The following EIF2AK4 variants were observed in gnomAD, a reference collection of about 807,000 sequenced individuals.
The protein encoded by EIF2AK4 is eIF-2-alpha kinase GCN2.
In EIF2AK4, 139 loss-of-function variants were observed where a neutral mutation model predicts 211.1. The observed-to-expected ratio is 0.66, with a 90% CI of 0.57 to 0.76. The LOEUF is 0.76. EIF2AK4 is among the 30% of genes least tolerant of loss of function. The probability of loss-of-function intolerance (pLI) is 0.00; values close to 1 mark genes in which losing one functional copy is unlikely to be tolerated. For missense variants in EIF2AK4, 1,664 were observed against 2,043.8 expected (o/e 0.81, Z 3.58); for synonymous variants, 710 against 751.3 (o/e 0.94, Z 0.90).
rs142664254 is a variant in EIF2AK4, at chr15:39,949,652, T to C, written c.513+384T>C. Among the ~76,000 whole-genome samples, 951 of 152,310 alleles carry C rather than the reference T, an allele frequency of 6.2e-3. 27 individuals are homozygous for C. Among genetic ancestry groups the C allele is most frequent in the Admixed American group, 0.042 (638 of 15,304 alleles). ...CAAAAGCCAGAGAATAATTTTTTTATTCAAACATTTAGATGTATATATTAT... is the reference window on the plus strand; with the variant it reads ...CAAAAGCCAGAGAATAATTTTTTTACTCAAACATTTAGATGTATATATTAT... On this transcript the variant is annotated intron_variant, in intron 4 of 38. Transcript: ENST00000263791.
At chr15:40,004,085 T>G (rs1418828076) in intron 23 of EIF2AK4, among the ~76,000 whole-genome samples, 1 of 152,240 alleles carries the variant, frequency 6.6e-6, no homozygotes, top group Non-Finnish European at 1.5e-5. Context: ...ACAGGAAACA[T>G]TTTTAAATTA....
At position 39,949,161 on chromosome 15, in the gene EIF2AK4, G is replaced by A. The variant is rs777968114; in HGVS notation, c.406G>A (p.Glu136Lys). Reference sequence around the variant, plus strand: ...TTACCACGTGCAGTCATTTCTCAGCGAGCATAACAAGCCCCCTCCCAAGTC... The same window carrying A: ...TTACCACGTGCAGTCATTTCTCAGCAAGCATAACAAGCCCCCTCCCAAGTC... ...LAYHVQSFLSEHNKPPPKSFH... is the reference protein window; with the variant it reads ...LAYHVQSFLSKHNKPPPKSFH... Residue 136 changes from glutamate to lysine, a missense_variant, in exon 4 of 39, where the codon GAG becomes AAG. This residue lies in a region of EIF2AK4 where 641 missense variants were observed against 729.6 expected (regional missense o/e 0.88). Transcript: ENST00000263791. 12 of 1,613,990 alleles carry A rather than the reference G, an allele frequency of 7.4e-6. No homozygotes were observed. The highest frequency in any genetic ancestry group is 1.1e-5 in the South Asian group (1 of 91,080).
Position 39,992,477 on chromosome 15 carries a change from T to G in EIF2AK4, c.2686+248T>G, listed in dbSNP as rs971036109. ...CTCCCAGGGGTAGACAGTTTTATTT[T>G]GTCTAACCTCCATTGGTAATGTGAG... On this transcript the variant is annotated intron_variant, in intron 17 of 38. Transcript: ENST00000263791. 1.5e-5 allele frequency: 8 copies of G among 534,668 alleles called. No homozygotes were observed. In the African/African-American group the frequency reaches 1.5e-4, roughly 10 times the overall value. 33.1% of individuals were successfully genotyped at this position (534,668 alleles called of 1,614,324 possible). A position where few individuals can be genotyped will look rare whatever the true frequency, so the allele number is the denominator to read the frequency against.
At chr15:40,009,773 A>C in intron 26 of EIF2AK4, 43 bp downstream of exon 26, 1 of 1,258,056 alleles carries the variant, frequency 7.9e-7, no homozygotes, top group East Asian at 2.4e-5. Flanking sequence ...TAATACCTTG[A>C]TGTTGAAAGA....
intron 2 of EIF2AK4, among the ~76,000 whole-genome samples, chr15:39,942,907 C>T (rs1448932828): frequency 6.6e-6 from 1 of 152,220 alleles, no homozygotes; most frequent in African/African-American, 2.4e-5. Flanking sequence ...AGCGCTTGGC[C>T]TTGCCAGTGA....
chr15:39,956,198 G>T (rs992243291), intron 6 of EIF2AK4, among the ~76,000 whole-genome samples: 2 of 151,868 alleles, frequency 1.3e-5, no homozygotes, highest in African/African-American at 4.8e-5. Context: ...TAGAGTTGGG[G>T]TTTCACTGTG....
Position 40,019,154 on chromosome 15 carries a change from T to C in EIF2AK4, c.4127T>C (p.Ile1376Thr). ...GPVPTAIGVS[I>T]AIDKISAAVL... ...GTTCCCACTGCCATTGGGGTCAGCA[T>C]AGCTATAGACAAGATATCTGCTGCT... Residue 1376 changes from isoleucine (I) to threonine (T), a missense_variant, in exon 30 of 39, where the codon ATA becomes ACA. Physicochemically the swap from Ile to Thr is moderately conservative, Grantham distance 89. Coordinates refer to ENST00000263791, the MANE Select transcript of EIF2AK4 (RefSeq NM_001013703.4). 1 of 1,606,534 alleles carries C rather than the reference T, an allele frequency of 6.2e-7. No homozygotes were observed. Among genetic ancestry groups the C allele is most frequent in the Non-Finnish European group, 8.5e-7 (1 of 1,176,316 alleles).
At chr15:39,945,439 T>C (rs546168372) in intron 3 of EIF2AK4, among the ~76,000 whole-genome samples, 3 of 152,330 alleles carry the variant, frequency 2.0e-5, no homozygotes, top group South Asian at 4.1e-4. Context: ...TCTTCAATTC[T>C]GTGAATGCTG....
chr15:40,020,336 CAT>C (rs2035366236), intron 30 of EIF2AK4, among the ~76,000 whole-genome samples: 2 of 148,796 alleles, frequency 1.3e-5, no homozygotes, highest in Non-Finnish European at 1.5e-5. Flanking sequence ...GAAAGACTAA[CAT>C]AACATTTTTT....
chr15:39,965,855 A>C lies in EIF2AK4; in HGVS notation c.1017+12A>C, dbSNP rs756445744. The stretch of plus-strand genomic sequence containing the variant: ...AGTGCAAAAAGCAGGTAAGCATCCA[A>C]GGTGGCTGACTGAGCAAAAGGCCTA... On this transcript the variant is annotated intron_variant, in intron 8 of 38. Coordinates refer to ENST00000263791, the MANE Select transcript of EIF2AK4 (RefSeq NM_001013703.4). 1.9e-6 allele frequency: 3 copies of C among 1,613,452 alleles called. No individual in the cohort carries two copies. The highest frequency in any genetic ancestry group is 1.7e-6 in the Non-Finnish European group (2 of 1,179,766).
rs767017091 is a variant in EIF2AK4, at chr15:40,030,350, T to G, written c.4562-9T>G. Reference sequence around the variant, plus strand: ...AAGGCCATAAATTCTGAAACTCTCTTGGTCTCAGGTTTGTTTGAAATCCAT... The same window carrying G: ...AAGGCCATAAATTCTGAAACTCTCTGGGTCTCAGGTTTGTTTGAAATCCAT... On this transcript the variant is annotated splice_polypyrimidine_tract_variant and intron_variant, in intron 34 of 38. Coordinates refer to ENST00000263791, the MANE Select transcript of EIF2AK4 (RefSeq NM_001013703.4). 7.4e-6 allele frequency: 12 copies of G among 1,613,194 alleles called. No individual in the cohort carries two copies. In the Admixed American group the frequency reaches 2.0e-4, roughly 27 times the overall value.
chr15:39,965,581 T>C lies in EIF2AK4; in HGVS notation c.860-105T>C, dbSNP rs906874469. 3.3e-5 allele frequency: 42 copies of C among 1,264,954 alleles called. No homozygotes were observed. The African/African-American group carries it at 5.6e-4, about 17-fold the overall frequency. The allele number at this position is 1,264,954 out of a possible 1,614,324, so 78.4% of individuals were successfully genotyped here. ...AGTCCTATTTTCCATAGTTAGCGCA[T>C]GGTATCCATTGTTGAACTAAAGAAT... On this transcript the variant is annotated intron_variant, in intron 7 of 38. Transcript: ENST00000263791.
chr15:40,003,170 C>G (rs771448936), intron 22 of EIF2AK4, 23 bp from the exon 23 acceptor site: 2 of 1,611,718 alleles, frequency 1.2e-6, no homozygotes, highest in Non-Finnish European at 1.7e-6. Context: ...TGATGATGAG[C>G]TATTTTTTCT....
At chr15:40,029,091 G>A (rs541438731) in intron 33 of EIF2AK4, among the ~76,000 whole-genome samples, 17 of 152,210 alleles carry the variant, frequency 1.1e-4, no homozygotes, top group Admixed American at 2.0e-4. Flanking sequence ...TGAGGGGGGC[G>A]GAAAGAACAC....
In EIF2AK4 at chr15:39,960,163, C is replaced by CAA. The variant is rs926246870; in HGVS notation, c.744-1602_744-1601dup. Among the ~76,000 whole-genome samples, 165 of 46,340 alleles carry CAA rather than the reference C, an allele frequency of 3.6e-3. 3 individuals are homozygous for CAA. The highest frequency in any genetic ancestry group is 0.034 in the East Asian group (54 of 1,606). 30.4% of individuals were successfully genotyped at this position (46,340 alleles called of 152,430 possible). A position where few individuals can be genotyped will look rare whatever the true frequency, so the allele number is the denominator to read the frequency against. ...TGGGCGACAGAGCGAGACTCCATCT[C>CAA]AAAAAAAAAAAAAAAAAAAAGAATA... On this transcript the variant is annotated intron_variant, in intron 6 of 38. Coordinates refer to ENST00000263791, the MANE Select transcript of EIF2AK4 (RefSeq NM_001013703.4).
At chr15:39,947,467 T>A (rs1417496011) in intron 3 of EIF2AK4, among the ~76,000 whole-genome samples, 1 of 152,218 alleles carries the variant, frequency 6.6e-6, no homozygotes. Context: ...TATACTCTAT[T>A]TTTTCAAATT....
rs746160842 is a variant in EIF2AK4, at chr15:39,976,818, C to T, written c.2223C>T (p.His741=). Residue 741 remains histidine (H), a synonymous_variant, in exon 12 of 39, where the codon CAC becomes CAT. Coordinates refer to ENST00000263791, the MANE Select transcript of EIF2AK4 (RefSeq NM_001013703.4). ...ACGAGGACGACGACGAGGACGAGCACGGTGGCGTCTTCTCCCAGTCCTTCC... is the reference window on the plus strand; with the variant it reads ...ACGAGGACGACGACGAGGACGAGCATGGTGGCGTCTTCTCCCAGTCCTTCC... ...SDDEDDDEDE[H]GGVFSQSFLP... 30 of 1,550,470 alleles carry T rather than the reference C, an allele frequency of 1.9e-5. No homozygotes were observed. Among genetic ancestry groups the T allele is most frequent in the Non-Finnish European group, 2.4e-5 (28 of 1,149,774 alleles).
At chr15:39,948,095 C>T (rs912818401) in intron 3 of EIF2AK4, among the ~76,000 whole-genome samples, 5 of 152,206 alleles carry the variant, frequency 3.3e-5, no homozygotes, top group African/African-American at 1.2e-4. Context: ...AATGCCACAG[C>T]TTCTGGTGTA....
chr15:40,007,942 G>T, intron 24 of EIF2AK4, 85 bp from the exon 25 acceptor site: 3 of 1,087,840 alleles, frequency 2.8e-6, no homozygotes, highest in African/African-American at 1.6e-5. Context: ...TTTCATATTT[G>T]TTTCTTATAT....
Sources: gnomAD v4.1 joint callset for allele counts (sites outside exome capture counted in the v4.1 genomes callset) on GRCh38, gnomAD v4.1.1 for gene constraint, gnomAD v4.1.1 regional missense constraint, MANE v1.5 for transcripts, NCBI Gene and HGNC (gene_info 2026-07-23, HGNC 2026-07-21) for gene names.